KCNMA1: variants seen among roughly 807,000 people sequenced by gnomAD.
KCNMA1 encodes the protein Calcium-activated potassium channel subunit alpha-1.
A neutral mutation model predicts 140.0 loss-of-function variants in KCNMA1; 29 were observed. That is an observed-to-expected ratio of 0.21 (90% CI 0.15 to 0.28). The LOEUF is 0.28. Among genes scored for constraint, KCNMA1 ranks in the 10% least tolerant of loss-of-function variants. KCNMA1 has a pLI of 1.00. For synonymous variants in KCNMA1, 612 were observed against 611.9 expected, an observed-to-expected ratio of 1.00 and a Z score of 0.00; for missense variants, 880 against 1,602.2, an observed-to-expected ratio of 0.55 and a Z score of 7.70.
At chr10:77,109,018 G>T (rs900785596) in intron 8 of KCNMA1, among the ~76,000 whole-genome samples, 1 of 140,336 alleles carries the variant, frequency 7.1e-6, no homozygotes, top group African/African-American at 2.6e-5. Context: ...AGTGACAAAA[G>T]AAAATAAACA....
chr10:77,075,781 G>T (rs910167994), intron 13 of KCNMA1, among the ~76,000 whole-genome samples: 2 of 152,308 alleles, frequency 1.3e-5, no homozygotes, highest in South Asian at 4.1e-4. Flanking sequence ...AAATCTCTGT[G>T]CATGAAACAA....
intron 1 of KCNMA1, among the ~76,000 whole-genome samples, chr10:77,584,426 C>A (rs2076688238): frequency 6.6e-6 from 1 of 152,216 alleles, no homozygotes; most frequent in African/African-American, 2.4e-5. Context: ...GCAATCTCGG[C>A]TCACTGCAAC....
intron 1 of KCNMA1, among the ~76,000 whole-genome samples, chr10:77,542,589 A>T (rs1421827713): frequency 2.6e-5 from 4 of 152,228 alleles, no homozygotes; most frequent in African/African-American, 9.6e-5. Context: ...GTATTTTTTT[A>T]AAAGATACGC....
intron 2 of KCNMA1, among the ~76,000 whole-genome samples, chr10:77,275,009 C>T (rs944412714): frequency 6.6e-6 from 1 of 152,234 alleles, no homozygotes; most frequent in Non-Finnish European, 1.5e-5. Context: ...ACAGCCATCA[C>T]TCATAAAGTC....
intron 1 of KCNMA1, among the ~76,000 whole-genome samples, chr10:77,483,562 C>T (rs1413885704): frequency 6.6e-6 from 1 of 152,210 alleles, no homozygotes; most frequent in Non-Finnish European, 1.5e-5. Flanking sequence ...GCTCTACAGA[C>T]ACCTCACTGG....
intron 3 of KCNMA1, among the ~76,000 whole-genome samples, chr10:77,188,928 G>C (rs1850287): frequency 0.43 from 64,942 of 151,858 alleles, 15,316 homozygotes; most frequent in African/African-American, 0.64. Context: ...AGGATCACCC[G>C]CTCCTCACAG....
At chr10:77,339,274 A>G (rs2090193299) in intron 2 of KCNMA1, among the ~76,000 whole-genome samples, 1 of 152,012 alleles carries the variant, frequency 6.6e-6, no homozygotes, top group South Asian at 2.1e-4. Context: ...CCAAATCAAT[A>G]AAGTGATATT....
intron 2 of KCNMA1, chr10:77,354,503 G>C (rs1297545862): frequency 6.6e-6 from 1 of 152,188 alleles, no homozygotes; most frequent in Non-Finnish European, 1.5e-5. Context: ...AGCTGTTTTG[G>C]AGGTTGGGAA....
chr10:76,981,584 C>T (rs2079451907), intron 19 of KCNMA1, among the ~76,000 whole-genome samples: 1 of 152,120 alleles, frequency 6.6e-6, no homozygotes, highest in Non-Finnish European at 1.5e-5. Flanking sequence ...GGGGCAGAGG[C>T]ATGGCGGGGT....
At chr10:77,484,804 T>A (rs986504901) in intron 1 of KCNMA1, among the ~76,000 whole-genome samples, 1 of 152,246 alleles carries the variant, frequency 6.6e-6, no homozygotes, top group Non-Finnish European at 1.5e-5. Flanking sequence ...AGGCTCTTAC[T>A]GCTGATATGA....
Position 77,121,140 on chromosome 10 carries a change from G to A in KCNMA1, c.809-92C>T, listed in dbSNP as rs528074751. On this transcript the variant is annotated intron_variant, in intron 5 of 27. Coordinates refer to ENST00000286628, the MANE Select transcript of KCNMA1 (RefSeq NM_001161352.2). ...ATTTGATTTACAGTTCCCAAGGGTC[G>A]AAGGGATGGGAAGTTCTTGCAGAAG... The A allele has an allele frequency of 1.6e-4, 129 of 796,828 alleles. 1 individual carries two copies. The highest frequency in any genetic ancestry group is 2.4e-4 in the Non-Finnish European group (110 of 465,878). 49.4% of individuals were successfully genotyped at this position (796,828 alleles called of 1,614,324 possible).
At chr10:77,003,424 A>T (rs1042633770) in intron 18 of KCNMA1, among the ~76,000 whole-genome samples, 1 of 152,238 alleles carries the variant, frequency 6.6e-6, no homozygotes, top group African/African-American at 2.4e-5. Context: ...AAGTCAAGAA[A>T]GGGAAAAAAG....
At position 77,414,038 on chromosome 10, in the gene KCNMA1, G is replaced by A. The variant is rs371841459; in HGVS notation, c.379-10015C>T. 5.9e-5 allele frequency among the ~76,000 whole-genome samples: 9 copies of A among 152,312 alleles called. No homozygotes were observed. The East Asian group carries it at 9.6e-4, about 16-fold the overall frequency. ...TCTTAGAAGCACCCCTGCGCTGGGT[G>A]TGAACAACTACTCTTTGGAAGTCTT... is the stretch of plus-strand genomic sequence containing the variant. On this transcript the variant is annotated intron_variant, in intron 1 of 27. Coordinates refer to ENST00000286628, the MANE Select transcript of KCNMA1 (RefSeq NM_001161352.2).
chr10:76,931,902 C>T (rs555694734), intron 23 of KCNMA1, among the ~76,000 whole-genome samples: 2 of 152,178 alleles, frequency 1.3e-5, no homozygotes, highest in Non-Finnish European at 2.9e-5. Context: ...ACAAACAGAT[C>T]AACAGTAATT....
At position 77,108,359 on chromosome 10, in the gene KCNMA1, C is replaced by T. The variant is rs935143920; in HGVS notation, c.1223+122G>A. 31 of 1,591,666 alleles carry T rather than the reference C, an allele frequency of 1.9e-5. No homozygotes were observed. The African/African-American group carries it at 3.7e-4, about 19-fold the overall frequency. On this transcript the variant is annotated intron_variant, in intron 9 of 27. Transcript: ENST00000286628. This position sits in a 1 kb window ranked among gnomAD's most constrained non-coding sequence, Gnocchi z 4.6. ...AGGATGAGAGCAGCAATTTCGGGCA[C>T]GTAGCGGGCAAACATTGCCTACATG...
intron 23 of KCNMA1, among the ~76,000 whole-genome samples, chr10:76,935,010 C>T (rs953504428): frequency 1.3e-5 from 2 of 152,182 alleles, no homozygotes; most frequent in Non-Finnish European, 2.9e-5. Flanking sequence ...CATCTATATT[C>T]ACAAGAAAAA....
downstream of KCNMA1, chr10:76,874,968 T>C (rs944085512): frequency 1.3e-5 from 2 of 152,158 alleles, no homozygotes; most frequent in Admixed American, 1.3e-4. Context: ...GGATAGGAAA[T>C]CAGAGCCTCA....
chr10:77,241,062 T>C (rs1018319595), intron 3 of KCNMA1, among the ~76,000 whole-genome samples: 5 of 152,216 alleles, frequency 3.3e-5, no homozygotes, highest in African/African-American at 1.2e-4. Flanking sequence ...AGCCAAGTTA[T>C]CAGACAGGGC....
At chr10:77,244,574 G>T (rs111824728) in intron 3 of KCNMA1, among the ~76,000 whole-genome samples, 9 of 152,210 alleles carry the variant, frequency 5.9e-5, no homozygotes, top group African/African-American at 1.9e-4. Context: ...CAATCTGTTT[G>T]ACAACCAAAG....
Sources: gnomAD v4.1 joint callset for allele counts (sites outside exome capture counted in the v4.1 genomes callset) on GRCh38, gnomAD v4.1.1 for gene constraint, Gnocchi (gnomAD v3.1) non-coding constraint, MANE v1.5 for transcripts, NCBI Gene and HGNC (gene_info 2026-07-23, HGNC 2026-07-21) for gene names.